The following CROT variants were observed in gnomAD, a reference collection of about 807,000 sequenced individuals.
CROT encodes the protein carnitine O-octanoyltransferase.
CROT carries 84 observed loss-of-function variants against 89.2 expected under a neutral mutation model. The observed-to-expected ratio is 0.94, with a 90% CI of 0.79 to 1.13. The LOEUF is 1.13. CROT is among the 50% of genes most tolerant of loss of function. CROT has a pLI of 0.00. For synonymous variants in CROT, 212 were observed against 239.5 expected (o/e 0.89, Z 1.06); for missense variants, 711 against 727.8 (o/e 0.98, Z 0.27).
chr7:87,361,843 T>G lies in CROT; in HGVS notation c.538T>G (p.Phe180Val). The G allele has an allele frequency of 6.3e-7, 1 of 1,585,064 alleles. No individual in the cohort carries two copies. The highest frequency in any genetic ancestry group is 1.4e-5 in the African/African-American group (1 of 73,300). ...GITRDSIMNY[F>V]RTESEGRSPN... Reference sequence around the variant, plus strand: ...TACTAGAGACTCCATTATGAATTATTTTAGGACTGGTAAGTAAAAATGCAG... The same window carrying G: ...TACTAGAGACTCCATTATGAATTATGTTAGGACTGGTAAGTAAAAATGCAG... Residue 180 changes from phenylalanine to valine, a missense_variant, in exon 6 of 18, where the codon TTT becomes GTT. Physicochemically the swap from Phe to Val is conservative, Grantham distance 50 (BLOSUM62 -1). Coordinates refer to ENST00000331536, the MANE Select transcript of CROT (RefSeq NM_021151.4).
At chr7:87,361,023 C>G (rs1326180812) in intron 4 of CROT, among the ~76,000 whole-genome samples, 3 of 152,070 alleles carry the variant, frequency 2.0e-5, no homozygotes, top group Non-Finnish European at 4.4e-5. Flanking sequence ...GGCTGGAGTG[C>G]AGTGGTGCAA....
chr7:87,375,831 C>T lies in CROT; in HGVS notation c.754C>T (p.Arg252Ter), dbSNP rs765930660. 1.4e-5 allele frequency: 22 copies of T among 1,613,254 alleles called. No individual in the cohort carries two copies. Among genetic ancestry groups the T allele is most frequent in the Admixed American group, 1.3e-4 (8 of 59,904 alleles). Residue 252 changes from arginine (R) to a stop codon, truncating the protein, a stop_gained, in exon 9 of 18, where the codon CGA (arginine) becomes TGA (stop). Coordinates refer to ENST00000331536, the MANE Select transcript of CROT (RefSeq NM_021151.4). LOFTEE classifies it high-confidence loss of function. ...TCATCATCTCCTTGCCCTTTAGGCA[C>T]GAGAATATCTGATTGGTCTTGATCC... ...SEERTRWAKA[R>*]EYLIGLDPEN...
intron 7 of CROT, 140 bp downstream of exon 7, chr7:87,369,624 A>C (rs995572817): frequency 2.7e-6 from 1 of 370,202 alleles, no homozygotes; most frequent in Non-Finnish European, 4.8e-6. Flanking sequence ...AAAAAAATCT[A>C]TTTGTATTTT....
chr7:87,361,901 G>C, intron 6 of CROT, 49 bp downstream of exon 6: 1 of 1,519,782 alleles, frequency 6.6e-7, no homozygotes, highest in South Asian at 1.3e-5. Flanking sequence ...TGGAATTTGG[G>C]TAGCCTACTA....
chr7:87,352,242 C>T (rs1805891847), intron 3 of CROT, among the ~76,000 whole-genome samples: 1 of 151,944 alleles, frequency 6.6e-6, no homozygotes, highest in Non-Finnish European at 1.5e-5. Context: ...TATAGTTCCC[C>T]TTTTTTTTGT....
intron 6 of CROT, among the ~76,000 whole-genome samples, chr7:87,365,826 G>C (rs566971571): frequency 1.3e-5 from 2 of 151,784 alleles, no homozygotes; most frequent in Admixed American, 6.6e-5. Context: ...GGCTGGTCTC[G>C]AACTCCTGAG....
chr7:87,352,875 A>G (rs11767948), intron 3 of CROT, among the ~76,000 whole-genome samples: 9,818 of 152,274 alleles, frequency 0.064, 360 homozygotes, highest in African/African-American at 0.097. Flanking sequence ...TATTAAATGA[A>G]TCTTAATGTT....
chr7:87,392,633 C>T lies in CROT; in HGVS notation c.1493C>T (p.Ser498Leu). ...CATAATAAAATGATGAAAGATTGTT[C>T]AGCTGGAAAAGGTACTTAAGTTAAA... ...AKHNKMMKDC[S>L]AGKGFDRHLL... is the part of the protein sequence containing the mutation. Residue 498 changes from serine (S) to leucine (L), a missense_variant, in exon 15 of 18, where the codon TCA becomes TTA. Ser to Leu is a moderately radical substitution (Grantham distance 145, BLOSUM62 -2). Coordinates refer to ENST00000331536, the MANE Select transcript of CROT (RefSeq NM_021151.4). 1 of 1,613,044 alleles carries T rather than the reference C, an allele frequency of 6.2e-7. No homozygotes were observed. Among genetic ancestry groups the T allele is most frequent in the Non-Finnish European group, 8.5e-7 (1 of 1,179,364 alleles).
At chr7:87,396,521 G>A (rs1807530743) in intron 17 of CROT, among the ~76,000 whole-genome samples, 1 of 152,082 alleles carries the variant, frequency 6.6e-6, no homozygotes, top group South Asian at 2.1e-4. Context: ...TGGGGCAAGG[G>A]TTGGTACAGT....
chr7:87,383,872 A>G (rs1446955002), intron 13 of CROT, among the ~76,000 whole-genome samples: 17 of 152,198 alleles, frequency 1.1e-4, no homozygotes, highest in Non-Finnish European at 7.3e-5. Flanking sequence ...TAGTGCTGCA[A>G]TAAACATTGG....
intron 9 of CROT, 26 bp from the exon 10 acceptor site, chr7:87,377,320 TTAA>T (rs1284922240): frequency 1.4e-6 from 2 of 1,439,208 alleles, no homozygotes; most frequent in South Asian, 2.4e-5. Context: ...TTAAACCCTT[TTAA>T]TTTGGAAAAA....
At position 87,361,912 on chromosome 7, in the gene CROT, T is replaced by C. The variant is rs973643786; in HGVS notation, c.547+60T>C. ...GCACTGGAATTTGGGTAGCCTACTA[T>C]GACGTGATGGAACATACACTTTTGA... On this transcript the variant is annotated intron_variant, in intron 6 of 17. Coordinates refer to ENST00000331536, the MANE Select transcript of CROT (RefSeq NM_021151.4). The C allele has an allele frequency of 6.9e-6, 10 of 1,446,686 alleles. No homozygotes were observed. The African/African-American group carries it at 1.0e-4, about 14-fold the overall frequency. The allele number at this position is 1,446,686 out of a possible 1,614,324, so 89.6% of individuals were successfully genotyped here.
At chr7:87,364,307 T>C (rs542335017) in intron 6 of CROT, among the ~76,000 whole-genome samples, 4 of 152,130 alleles carry the variant, frequency 2.6e-5, no homozygotes, top group Middle Eastern at 3.2e-3. Context: ...TTCAATACTG[T>C]ATTTTCCAAT....
chr7:87,379,524 G>A (rs1161348128), intron 10 of CROT, among the ~76,000 whole-genome samples: 1 of 152,082 alleles, frequency 6.6e-6, no homozygotes, highest in African/African-American at 2.4e-5. Flanking sequence ...TTTACTAATA[G>A]CACCAGTATC....
chr7:87,374,599 G>A (rs1450219467), intron 7 of CROT, among the ~76,000 whole-genome samples: 2 of 152,048 alleles, frequency 1.3e-5, no homozygotes, highest in African/African-American at 2.4e-5. Context: ...AGCAGGAAGA[G>A]AGGCAAAGCA....
At chr7:87,357,424 C>A (rs1806115793) in intron 3 of CROT, 1 of 1,535,878 alleles carries the variant, frequency 6.5e-7, no homozygotes, top group Non-Finnish European at 8.8e-7. Flanking sequence ...CCAAGACAGA[C>A]CCCATTTATC....
chr7:87,396,281 A>G (rs1197210803), intron 17 of CROT, among the ~76,000 whole-genome samples: 2 of 152,134 alleles, frequency 1.3e-5, no homozygotes, highest in Non-Finnish European at 2.9e-5. Flanking sequence ...AATTTGAAAA[A>G]TCACGCACTA....
intron 6 of CROT, among the ~76,000 whole-genome samples, chr7:87,362,576 A>G (rs1431018571): frequency 6.6e-6 from 1 of 152,016 alleles, no homozygotes; most frequent in African/African-American, 2.4e-5. Flanking sequence ...GATTACAGGC[A>G]TGGGCCACCA....
chr7:87,359,623 G>C, intron 4 of CROT: 1 of 1,123,754 alleles, frequency 8.9e-7, no homozygotes. Context: ...CAGGTAATCT[G>C]TAGACCATGC....
Sources: gnomAD v4.1 joint callset for allele counts (sites outside exome capture counted in the v4.1 genomes callset) on GRCh38, gnomAD v4.1.1 for gene constraint, MANE v1.5 for transcripts, NCBI Gene and HGNC (gene_info 2026-07-23, HGNC 2026-07-21) for gene names.